NRXN1: variants seen among roughly 807,000 people sequenced by gnomAD.
NRXN1 encodes the protein neurexin-1.
In NRXN1, 39 loss-of-function variants were observed where a neutral mutation model predicts 150.9. The observed-to-expected ratio is 0.26, with a 90% CI of 0.20 to 0.34. NRXN1 has a LOEUF of 0.34. Among genes scored for constraint, NRXN1 ranks in the 10% least tolerant of loss-of-function variants. NRXN1 has a pLI of 1.00. For missense variants in NRXN1, 1,815 were observed against 1,949.9 expected, an observed-to-expected ratio of 0.93 and a Z score of 1.30; for synonymous variants, 924 against 757.0, an observed-to-expected ratio of 1.22 and a Z score of -3.62.
At chr2:50,963,617 G>C (rs1377629727) in intron 2 of NRXN1, among the ~76,000 whole-genome samples, 1 of 151,670 alleles carries the variant, frequency 6.6e-6, no homozygotes, top group Non-Finnish European at 1.5e-5. Context: ...TCATGGAGAT[G>C]TTGCCAGTTT....
intron 18 of NRXN1, among the ~76,000 whole-genome samples, chr2:50,183,112 A>C (rs1454109475): frequency 6.6e-6 from 1 of 152,096 alleles, no homozygotes; most frequent in Non-Finnish European, 1.5e-5. Flanking sequence ...TATAGAAGGA[A>C]GTTAGAGCTA....
At chr2:50,630,864 C>G (rs931649118) in intron 5 of NRXN1, among the ~76,000 whole-genome samples, 1 of 151,706 alleles carries the variant, frequency 6.6e-6, no homozygotes, top group Non-Finnish European at 1.5e-5. Context: ...CCAAAAACAT[C>G]CTTGACCAAG....
At chr2:50,446,918 G>C (rs2086465676) in intron 17 of NRXN1, among the ~76,000 whole-genome samples, 1 of 152,046 alleles carries the variant, frequency 6.6e-6, no homozygotes, top group Admixed American at 6.6e-5. Context: ...TCTGATTTGA[G>C]GGAAAGTGCC....
intron 2 of NRXN1, among the ~76,000 whole-genome samples, chr2:50,987,912 A>G (rs368154377): frequency 6.6e-6 from 1 of 152,006 alleles, no homozygotes; most frequent in Admixed American, 6.6e-5. Context: ...CGTTATTCCA[A>G]TGATCCTCAG....
Position 50,091,334 on chromosome 2 carries a change from C to G in NRXN1, c.3707G>C (p.Arg1236Pro), listed in dbSNP as rs200658010. ...LQVDSWPVIE[R>P]YPAGNNDNER... ...ATTCACTTGCTTACCTGCAGGGTAG[C>G]GCTCGATCACTGGCCAGCTGTCCAC... The change falls in exon 19 of 23, where the codon CGC (arginine) becomes CCC (proline). Residue 1236 changes from arginine (R) to proline (P), a missense_variant. Coordinates refer to ENST00000401669, the MANE Select transcript of NRXN1 (RefSeq NM_001330078.2). The G allele has an allele frequency of 6.2e-7, 1 of 1,614,144 alleles. No homozygotes were observed. The highest frequency in any genetic ancestry group is 8.5e-7 in the Non-Finnish European group (1 of 1,180,026).
chr2:50,744,266 G>A (rs1354223569), intron 5 of NRXN1, among the ~76,000 whole-genome samples: 2 of 151,906 alleles, frequency 1.3e-5, no homozygotes, highest in South Asian at 2.1e-4. Flanking sequence ...ATGAAGCTAA[G>A]GTAATATTTG....
At chr2:50,328,923 C>G (rs1057083817) in intron 17 of NRXN1, among the ~76,000 whole-genome samples, 1 of 152,118 alleles carries the variant, frequency 6.6e-6, no homozygotes, top group East Asian at 1.9e-4. Flanking sequence ...TTATTTCAAG[C>G]ACAGTTATCT....
chr2:50,188,342 C>G (rs544646172), intron 18 of NRXN1, among the ~76,000 whole-genome samples: 4 of 152,092 alleles, frequency 2.6e-5, no homozygotes, highest in Non-Finnish European at 5.9e-5. Flanking sequence ...GAAACTGGAT[C>G]CCTTCCTTAT....
chr2:51,027,633 C>A lies in NRXN1; in HGVS notation c.641G>T (p.Gly214Val). The A allele has an allele frequency of 6.3e-7, 1 of 1,594,856 alleles. No homozygotes were observed. Among genetic ancestry groups the A allele is most frequent in the Non-Finnish European group, 8.5e-7 (1 of 1,170,934 alleles). The change falls in exon 2 of 23, where the codon GGA becomes GTA. Residue 214 changes from glycine (G) to valine (V), a missense_variant. Gly to Val is a moderately radical substitution (Grantham distance 109, BLOSUM62 -3). This residue lies in a region of NRXN1 where 554 missense variants were observed against 478.8 expected (regional missense o/e 1.16). Transcript: ENST00000401669. ...CTCCTCGCCCGCCTCGCACGGGCTT[C>A]CCCCGCCGCTGTTGGGCGGCTCATC... Reference protein sequence around the residue: ...LDDEPPNSGGGSPCEAGEEGE... With the variant: ...LDDEPPNSGGVSPCEAGEEGE...
chr2:50,108,544 A>G (rs1701969878), intron 18 of NRXN1, among the ~76,000 whole-genome samples: 1 of 152,106 alleles, frequency 6.6e-6, no homozygotes, highest in Non-Finnish European at 1.5e-5. Flanking sequence ...AGATATTTCA[A>G]AATTGAGAAA....
At chr2:50,952,799 A>G (rs1055311382) in intron 2 of NRXN1, among the ~76,000 whole-genome samples, 1 of 152,062 alleles carries the variant, frequency 6.6e-6, no homozygotes, top group Non-Finnish European at 1.5e-5. Context: ...CCCTTTCGTC[A>G]TCTATGCCAG....
At chr2:50,748,292 C>T (rs1700224673) in intron 5 of NRXN1, among the ~76,000 whole-genome samples, 1 of 152,158 alleles carries the variant, frequency 6.6e-6, no homozygotes, top group East Asian at 1.9e-4. Context: ...TGTTTTAGCA[C>T]ACTGCGCAGC....
chr2:50,140,030 A>G (rs1052984303), intron 18 of NRXN1, among the ~76,000 whole-genome samples: 8 of 152,186 alleles, frequency 5.3e-5, no homozygotes, highest in African/African-American at 1.7e-4. Flanking sequence ...GTTAATACAC[A>G]GAGCATTTTT....
intron 21 of NRXN1, among the ~76,000 whole-genome samples, chr2:50,030,825 T>C (rs1179052471): frequency 6.6e-6 from 1 of 152,160 alleles, no homozygotes; most frequent in Non-Finnish European, 1.5e-5. Context: ...TCAAGAGTTT[T>C]CTTGAGATCT....
At chr2:50,717,953 G>A (rs1696084151) in intron 5 of NRXN1, among the ~76,000 whole-genome samples, 1 of 152,146 alleles carries the variant, frequency 6.6e-6, no homozygotes, top group Non-Finnish European at 1.5e-5. Flanking sequence ...TGAGGGTTAG[G>A]ATTTCCACAA....
intron 17 of NRXN1, among the ~76,000 whole-genome samples, chr2:50,419,285 T>C (rs2083785798): frequency 6.6e-6 from 1 of 152,120 alleles, no homozygotes; most frequent in South Asian, 2.1e-4. Context: ...TCAGAAGACA[T>C]ACTTGGTAAT....
chr2:50,654,770 C>T (rs1055652995), intron 5 of NRXN1, among the ~76,000 whole-genome samples: 4 of 152,098 alleles, frequency 2.6e-5, no homozygotes, highest in African/African-American at 9.7e-5. Context: ...TTGCATTTCT[C>T]TGATGGCCAG....
At chr2:50,963,219 C>CT (rs1051692993) in intron 2 of NRXN1, among the ~76,000 whole-genome samples, 1 of 151,546 alleles carries the variant, frequency 6.6e-6, no homozygotes, top group African/African-American at 2.4e-5. Flanking sequence ...ATGCTGCTGC[C>CT]TATTAAGATT....
At chr2:50,421,689 G>C (rs1319341310) in intron 17 of NRXN1, among the ~76,000 whole-genome samples, 1 of 152,098 alleles carries the variant, frequency 6.6e-6, no homozygotes, top group Non-Finnish European at 1.5e-5. Context: ...TGCACTAGTA[G>C]ATTTGGACTC....
Sources: gnomAD v4.1 joint callset for allele counts (sites outside exome capture counted in the v4.1 genomes callset) on GRCh38, gnomAD v4.1.1 for gene constraint, gnomAD v4.1.1 regional missense constraint, MANE v1.5 for transcripts, NCBI Gene and HGNC (gene_info 2026-07-23, HGNC 2026-07-21) for gene names.